Variants in TERT observed in about 807,000 individuals in gnomAD.
TERT encodes the protein telomerase reverse transcriptase.
In TERT, 42 loss-of-function variants were observed where a neutral mutation model predicts 104.0. The ratio of observed to expected loss-of-function variants is 0.40; its 90% CI spans 0.32 to 0.52. The LOEUF is 0.52. Among genes scored for constraint, TERT ranks in the 20% least tolerant of loss-of-function variants. The pLI, the probability that TERT is intolerant of heterozygous loss-of-function variation, is 0.43. For synonymous variants in TERT, 781 were observed against 725.6 expected, an observed-to-expected ratio of 1.08 and a Z score of -1.23; for missense variants, 1,101 against 1,610.3, an observed-to-expected ratio of 0.68 and a Z score of 5.41.
chr5:1,271,611 G>A (rs996390700), intron 7 of TERT, among the ~76,000 whole-genome samples: 3 of 151,704 alleles, frequency 2.0e-5, no homozygotes, highest in Admixed American at 2.0e-4. Context: ...CGGTGGACAC[G>A]ACTGTCCCCT....
chr5:1,278,418 C>G (rs1354780212), intron 6 of TERT, among the ~76,000 whole-genome samples: 2 of 151,574 alleles, frequency 1.3e-5, no homozygotes, highest in Admixed American at 1.3e-4. Context: ...ACCACAGGCA[C>G]ACACACCATG....
chr5:1,282,762 C>T (rs1440696759), intron 2 of TERT, 138 bp from the exon 3 acceptor site: 15 of 835,320 alleles, frequency 1.8e-5, no homozygotes, highest in East Asian at 2.7e-5. Flanking sequence ...CATCCGGACA[C>T]GGCACATCCA....
At chr5:1,284,432 A>C (rs1389827365) in intron 2 of TERT, among the ~76,000 whole-genome samples, 33 of 129,250 alleles carry the variant, frequency 2.6e-4, no homozygotes, top group South Asian at 5.3e-4. Flanking sequence ...TCCAGCTCAC[A>C]GCAGGGTCTG....
In TERT at chr5:1,264,392, A is replaced by G; in HGVS notation, c.2843+12T>C. On this transcript the variant is annotated intron_variant, in intron 11 of 15. Coordinates refer to ENST00000310581, the MANE Select transcript of TERT (RefSeq NM_198253.3). ...CCGGGCACAGGCTCCACTTCCGGCC[A>G]GGTGCGCTCACCTGGAGTAGTCGCT... 6.2e-7 allele frequency: 1 copy of G among 1,608,560 alleles called. No homozygotes were observed. Among genetic ancestry groups the G allele is most frequent in the Non-Finnish European group, 8.5e-7 (1 of 1,178,492 alleles).
intron 11 of TERT, among the ~76,000 whole-genome samples, chr5:1,260,862 CTCA>C (rs1031008155): frequency 1.3e-5 from 2 of 152,172 alleles, no homozygotes; most frequent in African/African-American, 4.8e-5. Context: ...TGTTTGTGCA[CTCA>C]TCATCTGCCC....
intron 2 of TERT, among the ~76,000 whole-genome samples, chr5:1,291,519 A>ACCTCAATCACGCTGCAC (rs1750957944): frequency 3.2e-5 from 1 of 31,500 alleles, no homozygotes; most frequent in African/African-American, 1.6e-4. Flanking sequence ...ACCCGGGGAC[A>ACCTCAATCACGCTGCAC]GTGCCTCACT....
chr5:1,269,425 C>T lies in TERT; in HGVS notation c.2469-792G>A, dbSNP rs948612159. Among the ~76,000 whole-genome samples the T allele has an allele frequency of 2.0e-5, 3 of 152,060 alleles. No individual in the cohort carries two copies. The highest frequency in any genetic ancestry group is 2.9e-5 in the Non-Finnish European group (2 of 68,022). On this transcript the variant is annotated intron_variant, in intron 8 of 15. Transcript: ENST00000310581. This position sits in a 1 kb window ranked among gnomAD's most constrained non-coding sequence, Gnocchi z 9.0. ...AGGAGTTCGAGACCAGCCTGGCCAA[C>T]ATGGCAAAAACCCCTCTCTACTAAA...
chr5:1,265,831 G>A lies in TERT; in HGVS notation c.2654+633C>T, dbSNP rs1399748015. On this transcript the variant is annotated intron_variant, in intron 10 of 15. Transcript: ENST00000310581. This position sits in a 1 kb window ranked among gnomAD's most constrained non-coding sequence, Gnocchi z 6.9. Reference sequence around the variant, plus strand: ...AAAACAAGCCCACCGGCTCTGTGGGGCGCCCTTGAGGGGGACCACATTGGA... The same window carrying A: ...AAAACAAGCCCACCGGCTCTGTGGGACGCCCTTGAGGGGGACCACATTGGA... Among the ~76,000 whole-genome samples, 1 of 152,148 alleles carries A rather than the reference G, an allele frequency of 6.6e-6. No homozygotes were observed. The highest frequency in any genetic ancestry group is 1.5e-5 in the Non-Finnish European group (1 of 68,020).
In TERT at chr5:1,287,612, G is replaced by A. The variant is rs1296608073; in HGVS notation, c.1574-4988C>T. Among the ~76,000 whole-genome samples, 1 of 151,074 alleles carries A rather than the reference G, an allele frequency of 6.6e-6. No individual in the cohort carries two copies. The highest frequency in any genetic ancestry group is 1.5e-5 in the Non-Finnish European group (1 of 67,818). ...CAGTACTAAGAGCAATTTAAAAAAA[G>A]AATTACTAGATTACTAGAGACATAG... On this transcript the variant is annotated intron_variant, in intron 2 of 15. Coordinates refer to ENST00000310581, the MANE Select transcript of TERT (RefSeq NM_198253.3). This position sits in a 1 kb window ranked among gnomAD's most constrained non-coding sequence, Gnocchi z 4.3.
intron 6 of TERT, among the ~76,000 whole-genome samples, chr5:1,273,588 C>CCA (rs201743209): frequency 1.8e-4 from 1 of 5,482 alleles, no homozygotes. Context: ...TCCACAGTCA[C>CCA]CACATCAGAC....
chr5:1,257,673 G>A lies in TERT; in HGVS notation c.3032+925C>T, dbSNP rs894047132. ...CCAGAGCATGAAGGCGCAAGCACTCGGGTTAAAAACCATTTTCATGGTACG... is the reference window on the plus strand; with the variant it reads ...CCAGAGCATGAAGGCGCAAGCACTCAGGTTAAAAACCATTTTCATGGTACG... On this transcript the variant is annotated intron_variant, in intron 13 of 15. Transcript: ENST00000310581. The surrounding 1 kb of genome is among the most constrained non-coding windows in gnomAD (Gnocchi z 5.6). 6.6e-5 allele frequency among the ~76,000 whole-genome samples: 10 copies of A among 152,216 alleles called. No homozygotes were observed. The highest frequency in any genetic ancestry group is 1.0e-4 in the Non-Finnish European group (7 of 68,036).
At chr5:1,280,434 G>A in intron 3 of TERT, 96 bp from the exon 4 acceptor site, 5 of 1,375,856 alleles carry the variant, frequency 3.6e-6, no homozygotes, top group Non-Finnish European at 4.0e-6. Context: ...CTCAGTGAGG[G>A]CTCAGGGCAC....
rs765195721 is a variant in TERT, at chr5:1,280,190, C to A, written c.1918G>T (p.Val640Leu). Residue 640 changes from valine to leucine, a missense_variant, in exon 4 of 16, where the codon GTG becomes TTG. This residue lies in a region of TERT where 463 missense variants were observed against 797.5 expected (regional missense o/e 0.58). Transcript: ENST00000310581. The stretch of plus-strand genomic sequence containing the variant: ...TCTCTGCGGAACGTTCTGGCTCCCA[C>A]GACGTAGTCCATGTTCACAATCGGC... ...LRPIVNMDYV[V>L]GARTFRREKR... 2 of 1,614,096 alleles carry A rather than the reference C, an allele frequency of 1.2e-6. No individual in the cohort carries two copies. The highest frequency in any genetic ancestry group is 2.2e-5 in the East Asian group (1 of 44,878).
rs574070849 is a variant in TERT at position 1,257,160 on chromosome 5, G to A, written c.3032+1438C>T. ...ACTACCCAAGGGTCCCCACATGGGT[G>A]GGGAAACTCAGCCGCCCTGCCCTGA... On this transcript the variant is annotated intron_variant, in intron 13 of 15. Transcript: ENST00000310581. This position sits in a 1 kb window ranked among gnomAD's most constrained non-coding sequence, Gnocchi z 5.6. Among the ~76,000 whole-genome samples the A allele has an allele frequency of 4.0e-4, 61 of 152,284 alleles. No individual in the cohort carries two copies. The highest frequency in any genetic ancestry group is 1.5e-5 in the Non-Finnish European group (1 of 68,004).
chr5:1,254,880 G>T (rs1486030003), intron 14 of TERT, among the ~76,000 whole-genome samples: 2 of 152,128 alleles, frequency 1.3e-5, no homozygotes, highest in Non-Finnish European at 2.9e-5. Flanking sequence ...GAGAGGGGTG[G>T]GGTAGCCTGG....
intron 6 of TERT, among the ~76,000 whole-genome samples, chr5:1,272,638 TCACCACACATCAGACCCCAC>T (rs1749160041): frequency 1.4e-4 from 7 of 51,466 alleles, no homozygotes; most frequent in Admixed American, 8.4e-4. Flanking sequence ...CCATCCACAG[TCACCACACATCAGACCCCAC>T]GACCGCCATC....
At chr5:1,271,058 A>C in intron 8 of TERT, 61 bp downstream of exon 8, 4 of 1,358,650 alleles carry the variant, frequency 2.9e-6, no homozygotes, top group Non-Finnish European at 4.2e-6. Context: ...AGAGGTGAGC[A>C]GAAGCCCTGC....
intron 2 of TERT, among the ~76,000 whole-genome samples, chr5:1,290,571 A>G (rs372032304): frequency 3.1e-3 from 96 of 31,160 alleles, no homozygotes; most frequent in Admixed American, 7.4e-3. Context: ...CACTCACCCT[A>G]CACGTGACAG....
At chr5:1,264,188 T>C in intron 11 of TERT, 1 of 596,768 alleles carries the variant, frequency 1.7e-6, no homozygotes, top group Non-Finnish European at 3.0e-6. Flanking sequence ...TTTACCAAAA[T>C]AGCACAGAAA....
Sources: allele counts gnomAD v4.1 joint callset (sites outside exome capture counted in the v4.1 genomes callset), GRCh38; gene constraint gnomAD v4.1.1; regional missense constraint gnomAD v4.1.1; non-coding constraint Gnocchi (gnomAD v3.1); transcripts MANE v1.5; gene names NCBI Gene and HGNC (gene_info 2026-07-23, HGNC 2026-07-21).